Variants in MYDGF observed in about 807,000 individuals in gnomAD.
MYDGF encodes the protein myeloid derived growth factor.
In MYDGF, 29 loss-of-function variants were observed where a neutral mutation model predicts 24.2. The ratio of observed to expected loss-of-function variants is 1.20; its 90% confidence interval spans 0.89 to 1.63. The LOEUF is 1.63. MYDGF is among the 40% of genes most tolerant of loss of function. The pLI is 0.00. For synonymous variants in MYDGF, 105 were observed against 102.5 expected, an observed-to-expected ratio of 1.02 and a Z score of -0.15; for missense variants, 245 against 234.8, an observed-to-expected ratio of 1.04 and a Z score of -0.29.
At chr19:4,664,778 A>AG in intron 3 of MYDGF, 98 bp downstream of exon 3, 3 of 1,354,742 alleles carry the variant, frequency 2.2e-6, no homozygotes, top group African/African-American at 2.9e-5. Flanking sequence ...CTTCCCCTCC[A>AG]GGGGTGCAGC....
chr19:4,667,401 TACAGGCATG>T (rs1230885575), intron 2 of MYDGF, among the ~76,000 whole-genome samples: 20 of 152,218 alleles, frequency 1.3e-4, no homozygotes, highest in Admixed American at 3.3e-4. Context: ...GTGCTGGGAT[TACAGGCATG>T]AGCCAGTGCG....
At chr19:4,659,143 A>ATAGCTCAATGCAGCCTCG (rs1377092164) in intron 5 of MYDGF, among the ~76,000 whole-genome samples, 4 of 152,002 alleles carry the variant, frequency 2.6e-5, no homozygotes, top group Admixed American at 6.6e-5. Flanking sequence ...TGGTGCGATC[A>ATAGCTCAATGCAGCCTCG]TAGCTCAATG....
intron 2 of MYDGF, among the ~76,000 whole-genome samples, chr19:4,668,359 T>A (rs964356849): frequency 6.6e-6 from 1 of 152,210 alleles, no homozygotes; most frequent in South Asian, 2.1e-4. Flanking sequence ...GATGGCAGAC[T>A]CCCATCTCCC....
intron 2 of MYDGF, 80 bp from the exon 3 acceptor site, chr19:4,665,017 A>C (rs556405090): frequency 1.4e-6 from 2 of 1,473,642 alleles, no homozygotes; most frequent in East Asian, 4.9e-5. Context: ...CTGATTCTAC[A>C]GTCAGGCCAC....
intron 2 of MYDGF, among the ~76,000 whole-genome samples, chr19:4,667,746 G>A (rs1288848203): frequency 9.9e-5 from 15 of 150,944 alleles, no homozygotes; most frequent in Admixed American, 8.6e-4. Flanking sequence ...GTCTTGCTCT[G>A]TTGCCCAGTA....
intron 1 of MYDGF, 64 bp downstream of exon 1, chr19:4,670,097 A>G: frequency 7.2e-7 from 1 of 1,387,002 alleles, no homozygotes; most frequent in Non-Finnish European, 9.4e-7. Context: ...CCCGCCCCCA[A>G]TGCTCCGCGC....
chr19:4,657,921 A>T lies in MYDGF; in HGVS notation c.*84T>A. 1 of 1,262,716 alleles carries T rather than the reference A, an allele frequency of 7.9e-7. No individual in the cohort carries two copies. Among genetic ancestry groups the T allele is most frequent in the Non-Finnish European group, 1.1e-6 (1 of 912,884 alleles). 78.2% of individuals were successfully genotyped at this position (1,262,716 alleles called of 1,614,324 possible). On this transcript the variant is annotated 3_prime_UTR_variant, in exon 6 of 6. Coordinates refer to ENST00000262947, the MANE Select transcript of MYDGF (RefSeq NM_019107.4). ...ACTTAAGAGTCCCTCCTAGAAAACC[A>T]GTGATGTGCTGGCCCTTTCAGGGAC...
chr19:4,665,041 C>G, intron 2 of MYDGF, 104 bp from the exon 3 acceptor site: 2 of 1,268,818 alleles, frequency 1.6e-6, no homozygotes, highest in Non-Finnish European at 1.1e-6. Context: ...TTCTGTACCT[C>G]CCGATTCAGG....
intron 3 of MYDGF, among the ~76,000 whole-genome samples, chr19:4,662,450 C>T (rs144739839): frequency 0.012 from 1,793 of 152,300 alleles, 18 homozygotes; most frequent in Middle Eastern, 0.027. Context: ...CGGCTTCCTT[C>T]CCTTCATGAC....
At chr19:4,666,858 C>A (rs976933023) in intron 2 of MYDGF, among the ~76,000 whole-genome samples, 1 of 152,120 alleles carries the variant, frequency 6.6e-6, no homozygotes, top group Admixed American at 6.5e-5. Context: ...TTGAGGTCAG[C>A]AGTTCAAGAT....
chr19:4,665,564 G>A (rs899301656), intron 2 of MYDGF, among the ~76,000 whole-genome samples: 2 of 151,974 alleles, frequency 1.3e-5, no homozygotes, highest in African/African-American at 2.4e-5. Flanking sequence ...GCTCACGCCT[G>A]TAATCCCAGC....
chr19:4,670,138 T>A, intron 1 of MYDGF, 23 bp downstream of exon 1: 1 of 1,483,064 alleles, frequency 6.7e-7, no homozygotes, highest in South Asian at 1.3e-5. Flanking sequence ...CACTCAAATA[T>A]CCGGGACGGC....
chr19:4,662,223 G>A (rs972381570), intron 3 of MYDGF, among the ~76,000 whole-genome samples: 2 of 152,188 alleles, frequency 1.3e-5, no homozygotes, highest in African/African-American at 2.4e-5. Context: ...TCAGTTAAAC[G>A]TCGCCACTCC....
chr19:4,658,590 T>C (rs866321093), intron 5 of MYDGF, among the ~76,000 whole-genome samples: 2 of 152,092 alleles, frequency 1.3e-5, no homozygotes, highest in African/African-American at 4.8e-5. Flanking sequence ...CTCCCACCCT[T>C]GCCCCAGCTC....
chr19:4,666,975 G>C (rs1444410254), intron 2 of MYDGF, among the ~76,000 whole-genome samples: 1 of 152,094 alleles, frequency 6.6e-6, no homozygotes, highest in Non-Finnish European at 1.5e-5. Context: ...GCAGATTTCA[G>C]TTCCTCTTGG....
chr19:4,665,191 G>A (rs1041877080), intron 2 of MYDGF, among the ~76,000 whole-genome samples: 22 of 151,688 alleles, frequency 1.5e-4, no homozygotes, highest in Non-Finnish European at 2.1e-4. Flanking sequence ...TGGCTCCCAC[G>A]GATGGGGAAA....
rs145965245 is a variant in MYDGF at position 4,664,906 on chromosome 19, T to G, written c.257A>C (p.Asp86Ala). 2.3e-4 allele frequency: 378 copies of G among 1,612,908 alleles called. 1 individual carries two copies. In the African/African-American group the frequency reaches 4.4e-3, roughly 19 times the overall value. Residue 86 changes from aspartate (D) to alanine (A), a missense_variant, in exon 3 of 6, where the codon GAC becomes GCC. Physicochemically the swap from Asp to Ala is moderately radical, Grantham distance 126. Coordinates refer to ENST00000262947, the MANE Select transcript of MYDGF (RefSeq NM_019107.4). ...GATGGTGCAGGTGAAGTGCTGGTGG[T>G]CTTCGCTGGTCCCCAGACTCATCTG... The part of the protein sequence containing the change: ...QWQMSLGTSE[D>A]HQHFTCTIWR...
Position 4,659,827 on chromosome 19 carries a change from A to G in MYDGF, c.442+104T>C, listed in dbSNP as rs556345433. The stretch of plus-strand genomic sequence containing the variant: ...ATCAGTTTGTGGATGCCTGGTCTAC[A>G]GTCTCCAGGACCCCTATGGCTGACC... On this transcript the variant is annotated intron_variant, in intron 5 of 5. Transcript: ENST00000262947. 8.4e-6 allele frequency: 8 copies of G among 957,706 alleles called. No homozygotes were observed. In the East Asian group the frequency reaches 1.9e-4, roughly 23 times the overall value. The allele number at this position is 957,706 out of a possible 1,614,324, so 59.3% of individuals were successfully genotyped here.
chr19:4,664,474 A>C (rs756605111), intron 3 of MYDGF, among the ~76,000 whole-genome samples: 1 of 146,960 alleles, frequency 6.8e-6, no homozygotes, highest in Non-Finnish European at 1.5e-5. Context: ...CGGGCAAAAG[A>C]TGGAGACTCC....
Sources: allele counts gnomAD v4.1 joint callset (sites outside exome capture counted in the v4.1 genomes callset), GRCh38; gene constraint gnomAD v4.1.1; transcripts MANE v1.5; gene names NCBI Gene and HGNC (gene_info 2026-07-23, HGNC 2026-07-21).